Variants in CLCN7 observed in about 807,000 individuals in gnomAD.
CLCN7 encodes the protein Cl-/H+ antiporter 7.
In CLCN7, 60 loss-of-function variants were observed where a neutral mutation model predicts 102.1. The ratio of observed to expected loss-of-function variants is 0.59; its 90% CI spans 0.48 to 0.73. The LOEUF (loss-of-function observed/expected upper bound fraction) is 0.73. Ranked by LOEUF, CLCN7 falls within the 30% of genes least tolerant of loss-of-function variation. The pLI is 0.00. For synonymous variants in CLCN7, 560 were observed against 490.5 expected (o/e 1.14, Z -1.87); for missense variants, 962 against 1,125.7 (o/e 0.85, Z 2.08).
In CLCN7 at chr16:1,457,683, C is replaced by T. The variant is rs756167688; in HGVS notation, c.738+11G>A. 1.2e-6 allele frequency: 2 copies of T among 1,613,450 alleles called. No individual in the cohort carries two copies. The highest frequency in any genetic ancestry group is 1.7e-5 in the Admixed American group (1 of 60,034). On this transcript the variant is annotated intron_variant, in intron 8 of 24. Coordinates refer to ENST00000382745, the MANE Select transcript of CLCN7 (RefSeq NM_001287.6). The surrounding 1 kb of genome is among the most constrained non-coding windows in gnomAD (Gnocchi z 5.4). ...AGGCTCCAGCTGGAGTGGCCATGTGCACTTTGTTACCTTTCCCACGGCCAG... is the reference window on the plus strand; with the variant it reads ...AGGCTCCAGCTGGAGTGGCCATGTGTACTTTGTTACCTTTCCCACGGCCAG...
intron 1 of CLCN7, among the ~76,000 whole-genome samples, chr16:1,469,501 T>C (rs528640188): frequency 6.6e-6 from 1 of 151,698 alleles, no homozygotes; most frequent in African/African-American, 2.4e-5. Flanking sequence ...GCCTGACCAA[T>C]GTGGCGAAAC....
intron 7 of CLCN7, among the ~76,000 whole-genome samples, 186 bp downstream of exon 7, chr16:1,458,921 C>A (rs1488797405): frequency 6.6e-6 from 1 of 152,220 alleles, no homozygotes; most frequent in African/African-American, 2.4e-5. Flanking sequence ...TGTGCAAATA[C>A]CAGTTGTTAC....
rs1163577336 is a variant in CLCN7 at position 1,456,190 on chromosome 16, C to T, written c.839G>A (p.Arg280His). ...GAAGTCCCGCTTCTCTGTGTCTCTG[C>T]GGAAGTACTCGAAGATCTGCAACAG... is the stretch of plus-strand genomic sequence containing the variant. ...KRDFKIFEYF[R>H]RDTEKRDFVS... The change falls in exon 10 of 25, where the codon CGC becomes CAC. Residue 280 changes from arginine to histidine, a missense_variant. This residue lies in a region of CLCN7 where 799 missense variants were observed against 988.0 expected (regional missense o/e 0.81). Coordinates refer to ENST00000382745, the MANE Select transcript of CLCN7 (RefSeq NM_001287.6). The T allele has an allele frequency of 3.8e-6, 6 of 1,566,150 alleles. No homozygotes were observed. The highest frequency in any genetic ancestry group is 5.2e-6 in the Non-Finnish European group (6 of 1,154,690).
intron 23 of CLCN7, 68 bp downstream of exon 23, chr16:1,447,324 A>T: frequency 7.5e-7 from 1 of 1,325,902 alleles, no homozygotes; most frequent in Non-Finnish European, 1.0e-6. Context: ...CCCCTCCCCG[A>T]GGCTCTGGAC....
intron 10 of CLCN7, 56 bp downstream of exon 10, chr16:1,456,057 T>C: frequency 1.4e-6 from 2 of 1,400,304 alleles, no homozygotes; most frequent in South Asian, 2.5e-5. Flanking sequence ...AGGAGACCGT[T>C]CCTTCCAACA....
intron 23 of CLCN7, 118 bp from the exon 24 acceptor site, chr16:1,447,204 C>T (rs181413418): frequency 3.7e-5 from 45 of 1,200,042 alleles, no homozygotes; most frequent in African/African-American, 6.0e-5. Context: ...TGAGCCCCCA[C>T]GCCCGTCTGG....
At chr16:1,456,683 A>G (rs752373955) in intron 9 of CLCN7, among the ~76,000 whole-genome samples, 3 of 152,070 alleles carry the variant, frequency 2.0e-5, no homozygotes, top group Admixed American at 6.6e-5. Flanking sequence ...TACTAAAAAT[A>G]CAAAAAACTT....
chr16:1,461,822 CACCT>C, intron 2 of CLCN7, 148 bp from the exon 3 acceptor site: 1 of 740,444 alleles, frequency 1.4e-6, no homozygotes. Flanking sequence ...CGGTGGCTGA[CACCT>C]ACAATCCCAG....
rs541169535 is a variant in CLCN7, at chr16:1,457,264, C to T, written c.812G>A (p.Arg271Gln). The change falls in exon 9 of 25, where the codon CGA becomes CAA. Residue 271 changes from arginine (R) to glutamine (Q), a missense_variant. Transcript: ENST00000382745. The surrounding 1 kb of genome is among the most constrained non-coding windows in gnomAD (Gnocchi z 5.4). ...AAGATTTCAACTCACCTTGAAATCT[C>T]GTTTCAGTGACGTTGACCTTCCCTG... The part of the protein sequence containing the change: ...ISQGRSTSLK[R>Q]DFKIFEYFRR... 69 of 1,613,952 alleles carry T rather than the reference C, an allele frequency of 4.3e-5. No homozygotes were observed. Among genetic ancestry groups the T allele is most frequent in the South Asian group, 1.2e-4 (11 of 91,080 alleles).
At position 1,448,758 on chromosome 16, in the gene CLCN7, G is replaced by A. The variant is rs112753643; in HGVS notation, c.1806C>T (p.Tyr602=). 349 of 1,612,090 alleles carry A rather than the reference G, an allele frequency of 2.2e-4. 1 individual carries two copies. In the African/African-American group the frequency reaches 3.7e-3, roughly 17 times the overall value. The change falls in exon 20 of 25, where the codon TAC becomes TAT. Residue 602 remains tyrosine (Y), a synonymous_variant. Coordinates refer to ENST00000382745, the MANE Select transcript of CLCN7 (RefSeq NM_001287.6). The stretch of plus-strand genomic sequence containing the variant: ...CACTCTGCAGCTGAATGTGCATGTC[G>A]TACAGGCCCTGCGGGCGGGGCGGGA... ...IVGDVFIEGL[Y]DMHIQLQSVP... is the part of the protein sequence containing the mutation.
In CLCN7 at chr16:1,465,326, C is replaced by G; in HGVS notation, c.154G>C (p.Ala52Pro). 1 of 1,613,634 alleles carries G rather than the reference C, an allele frequency of 6.2e-7. No homozygotes were observed. The highest frequency in any genetic ancestry group is 8.5e-7 in the Non-Finnish European group (1 of 1,179,900). ...CTCATATGTCCGACTCGGAAAAGCG[C>G]AGAACGTGGTGACTAAAAGCAGAAG... ...PGAARQSPRS[A>P]LFRVGHMSSV... The change falls in exon 2 of 25, where the codon GCG becomes CCG. Residue 52 changes from alanine (A) to proline (P), a missense_variant. Physicochemically the swap from Ala to Pro is conservative, Grantham distance 27 (BLOSUM62 -1). Transcript: ENST00000382745.
At chr16:1,447,839 C>A in intron 21 of CLCN7, 125 bp from the exon 22 acceptor site, 2 of 1,036,832 alleles carry the variant, frequency 1.9e-6, no homozygotes, top group South Asian at 1.4e-5. Flanking sequence ...GGCCCCGTGT[C>A]GGTGGCTACC....
rs1016928916 is a variant in CLCN7, at chr16:1,452,493, C to T, written c.1353+262G>A. On this transcript the variant is annotated intron_variant, in intron 15 of 24. Coordinates refer to ENST00000382745, the MANE Select transcript of CLCN7 (RefSeq NM_001287.6). ...CCCATAGGGCGCCTGAGGCTCGCCC[C>T]GTCAGGCTGCCATTCTGGGAAGAGG... 6.6e-5 allele frequency: 35 copies of T among 529,744 alleles called. No individual in the cohort carries two copies. The East Asian group carries it at 8.9e-4, about 14-fold the overall frequency. The allele number at this position is 529,744 out of a possible 1,614,324, so 32.8% of individuals were successfully genotyped here.
At position 1,460,628 on chromosome 16, in the gene CLCN7, G is replaced by T. The variant is rs1656066647; in HGVS notation, c.485-101C>A. On this transcript the variant is annotated intron_variant, in intron 5 of 24. Transcript: ENST00000382745. ...CCAGCCTGGCAGATGCCACCCTGCT[G>T]GGTGGAGCCATGATGTTCACTGGAC... is the stretch of plus-strand genomic sequence containing the variant. The T allele has an allele frequency of 4.4e-5, 56 of 1,270,084 alleles. 2 individuals are homozygous for T. The South Asian group carries it at 6.7e-4, about 15-fold the overall frequency. The allele number at this position is 1,270,084 out of a possible 1,614,324, so 78.7% of individuals were successfully genotyped here. A position where few individuals can be genotyped will look rare whatever the true frequency, so the allele number is the denominator to read the frequency against.
chr16:1,449,198 C>G, intron 18 of CLCN7, 78 bp downstream of exon 18: 1 of 1,576,576 alleles, frequency 6.3e-7, no homozygotes. Context: ...CTCCCAGACC[C>G]TAGCCCCGCA....
At chr16:1,447,742 A>T in intron 21 of CLCN7, 28 bp from the exon 22 acceptor site, 1 of 1,547,840 alleles carries the variant, frequency 6.5e-7, no homozygotes, top group Non-Finnish European at 8.7e-7. Flanking sequence ...GGTCAGGGCC[A>T]CGGGCCCGAG....
Position 1,475,006 on chromosome 16 carries a change from C to A in CLCN7, c.-32G>T. 11 of 1,429,294 alleles carry A rather than the reference C, an allele frequency of 7.7e-6. No individual in the cohort carries two copies. Among genetic ancestry groups the A allele is most frequent in the Non-Finnish European group, 1.0e-5 (11 of 1,088,348 alleles). The allele number at this position is 1,429,294 out of a possible 1,614,324, so 88.5% of individuals were successfully genotyped here. A position where few individuals can be genotyped will look rare whatever the true frequency, so the allele number is the denominator to read the frequency against. On this transcript the variant is annotated 5_prime_UTR_variant, in exon 1 of 25. Coordinates refer to ENST00000382745, the MANE Select transcript of CLCN7 (RefSeq NM_001287.6). The stretch of plus-strand genomic sequence containing the variant: ...CCGCGGAGCGACACCGGCCGGGAAG[C>A]GCCGGCTGCCCCCGTGTTTGTTCTC...
intron 15 of CLCN7, 67 bp from the exon 16 acceptor site, chr16:1,451,783 G>A: frequency 7.4e-7 from 1 of 1,344,234 alleles, no homozygotes; most frequent in Non-Finnish European, 1.1e-6. Flanking sequence ...GCACAAACCT[G>A]GTGTCGCCGT....
intron 3 of CLCN7, 63 bp downstream of exon 3, chr16:1,461,540 G>A (rs1048048977): frequency 1.9e-5 from 31 of 1,607,948 alleles, no homozygotes; most frequent in South Asian, 7.7e-5. Context: ...ACAGGGGACC[G>A]GGAGTGGGCT....
Sources: gnomAD v4.1 joint callset for allele counts (sites outside exome capture counted in the v4.1 genomes callset) on GRCh38, gnomAD v4.1.1 for gene constraint, gnomAD v4.1.1 regional missense constraint, Gnocchi (gnomAD v3.1) non-coding constraint, MANE v1.5 for transcripts, NCBI Gene and HGNC (gene_info 2026-07-23, HGNC 2026-07-21) for gene names.